Variants in ARHGAP32 observed in about 807,000 individuals in gnomAD.
The protein encoded by ARHGAP32 is rho GTPase-activating protein 32.
ARHGAP32 carries 51 observed loss-of-function variants against 186.5 expected under a neutral mutation model. The observed-to-expected ratio is 0.27, with a 90% CI of 0.22 to 0.35. The LOEUF (loss-of-function observed/expected upper bound fraction) is 0.35, where lower values mean the gene tolerates loss of function less well. Among genes scored for constraint, ARHGAP32 ranks in the 10% least tolerant of loss-of-function variants. The probability of loss-of-function intolerance (pLI) is 1.00; values close to 1 mark genes in which losing one functional copy is unlikely to be tolerated. For missense variants in ARHGAP32, 2,186 were observed against 2,623.5 expected, an observed-to-expected ratio of 0.83 and a Z score of 3.64; for synonymous variants, 950 against 964.3, an observed-to-expected ratio of 0.99 and a Z score of 0.27.
chr11:129,274,057 T>A (rs1429577330), intron 1 of ARHGAP32, among the ~76,000 whole-genome samples: 1 of 152,112 alleles, frequency 6.6e-6, no homozygotes, highest in Non-Finnish European at 1.5e-5. Context: ...AGCCAGAATT[T>A]TACTTCTATT....
chr11:128,978,739 C>A, intron 19 of ARHGAP32, 31 bp downstream of exon 19: 3 of 1,583,502 alleles, frequency 1.9e-6, no homozygotes, highest in South Asian at 2.3e-5. Context: ...ATCATGACAG[C>A]AGCAGAAGTG....
intron 11 of ARHGAP32, among the ~76,000 whole-genome samples, chr11:129,009,684 G>A (rs1195114061): frequency 6.6e-6 from 1 of 152,152 alleles, no homozygotes; most frequent in East Asian, 1.9e-4. Context: ...TTTTATGGCT[G>A]CATAGTATTC....
At chr11:129,187,110 A>G (rs1944178019) in intron 1 of ARHGAP32, among the ~76,000 whole-genome samples, 1 of 152,224 alleles carries the variant, frequency 6.6e-6, no homozygotes, top group African/African-American at 2.4e-5. Context: ...TCTGAAAGCA[A>G]CCTAAGTGTC....
chr11:129,115,012 T>C (rs1354306181), intron 5 of ARHGAP32, among the ~76,000 whole-genome samples: 1 of 152,102 alleles, frequency 6.6e-6, no homozygotes, highest in East Asian at 1.9e-4. Context: ...GGATTGCAAA[T>C]GGAACACGGA....
chr11:129,277,178 G>T (rs935475271), intron 1 of ARHGAP32, among the ~76,000 whole-genome samples: 1 of 152,114 alleles, frequency 6.6e-6, no homozygotes, highest in African/African-American at 2.4e-5. Context: ...GAAAACACTT[G>T]AATAAGTCAA....
At chr11:129,184,222 G>A (rs1212413528) in intron 1 of ARHGAP32, among the ~76,000 whole-genome samples, 3 of 152,080 alleles carry the variant, frequency 2.0e-5, no homozygotes, top group Admixed American at 1.3e-4. Context: ...GTGGGTGTGT[G>A]CACCTAAGAC....
chr11:129,260,330 A>G (rs1945305738), intron 1 of ARHGAP32, among the ~76,000 whole-genome samples: 1 of 152,190 alleles, frequency 6.6e-6, no homozygotes, highest in Non-Finnish European at 1.5e-5. Flanking sequence ...TACCTCTGAT[A>G]ACATTGTTTT....
At chr11:129,193,645 A>ATAATATATATAATATATGTTATG (rs1944335814), upstream of ARHGAP32, among the ~76,000 whole-genome samples, 1 of 80,038 alleles carries the variant, frequency 1.2e-5, no homozygotes, top group South Asian at 2.9e-4. Flanking sequence ...TATATGTTAT[A>ATAATATATATAATATATGTTATG]TAATACATAT....
chr11:129,029,825 A>AAAAAAC, intron 11 of ARHGAP32, among the ~76,000 whole-genome samples: 1 of 150,796 alleles, frequency 6.6e-6, no homozygotes, highest in African/African-American at 2.4e-5. Context: ...AAAAAAAAAA[A>AAAAAAC]ACGGGTAGGA....
At chr11:129,162,387 C>T (rs573779970) in intron 2 of ARHGAP32, among the ~76,000 whole-genome samples, 2 of 152,172 alleles carry the variant, frequency 1.3e-5, no homozygotes, top group East Asian at 1.9e-4. Context: ...AAAAACAAGG[C>T]AAATGATTTC....
intron 2 of ARHGAP32, among the ~76,000 whole-genome samples, chr11:129,161,193 T>C (rs1457597776): frequency 1.3e-5 from 2 of 151,666 alleles, no homozygotes; most frequent in East Asian, 3.9e-4. Flanking sequence ...CCTAAAACCA[T>C]AAAAACCCTA....
At chr11:129,149,094 C>T (rs12278056) in intron 2 of ARHGAP32, among the ~76,000 whole-genome samples, 2 of 152,280 alleles carry the variant, frequency 1.3e-5, no homozygotes, top group South Asian at 4.1e-4. Context: ...AAATCCTTAT[C>T]CTGGCCAATG....
chr11:129,078,038 G>A (rs981325398), intron 6 of ARHGAP32, among the ~76,000 whole-genome samples: 1 of 152,110 alleles, frequency 6.6e-6, no homozygotes, highest in Non-Finnish European at 1.5e-5. Flanking sequence ...ATGCTAAACA[G>A]AACAACCAAG....
At chr11:129,173,920 T>C (rs149334318) in intron 1 of ARHGAP32, among the ~76,000 whole-genome samples, 31 of 151,968 alleles carry the variant, frequency 2.0e-4, no homozygotes, top group African/African-American at 7.2e-4. Context: ...AATGTAAAAA[T>C]TGGAAAAGAA....
At chr11:129,112,313 G>C (rs771146952) in intron 5 of ARHGAP32, among the ~76,000 whole-genome samples, 5 of 151,642 alleles carry the variant, frequency 3.3e-5, no homozygotes, top group Non-Finnish European at 7.4e-5. Flanking sequence ...GCTTTTCTCT[G>C]CCTGTTTTCA....
upstream of ARHGAP32, among the ~76,000 whole-genome samples, chr11:129,194,261 C>G (rs970015403): frequency 6.6e-6 from 1 of 152,054 alleles, no homozygotes. Flanking sequence ...ATCTCACTTT[C>G]ACAAGTAGAA....
At chr11:129,207,798 G>A (rs187022704) in intron 1 of ARHGAP32, among the ~76,000 whole-genome samples, 8 of 151,980 alleles carry the variant, frequency 5.3e-5, no homozygotes, top group African/African-American at 1.9e-4. Flanking sequence ...TAAAATAATA[G>A]AAAGTACAAA....
intron 1 of ARHGAP32, among the ~76,000 whole-genome samples, chr11:129,184,455 T>C (rs927776530): frequency 1.3e-5 from 2 of 152,056 alleles, no homozygotes; most frequent in African/African-American, 4.8e-5. Flanking sequence ...TATCTATACG[T>C]GAAGAACCCT....
chr11:129,164,267 G>GAT (rs1943588893), intron 2 of ARHGAP32, 52 bp downstream of exon 2: 2 of 1,112,614 alleles, frequency 1.8e-6, no homozygotes, highest in Non-Finnish European at 2.6e-6. Flanking sequence ...TTATATAAGT[G>GAT]CTATATATAC....
Sources: allele counts gnomAD v4.1 joint callset (sites outside exome capture counted in the v4.1 genomes callset), GRCh38; gene constraint gnomAD v4.1.1; transcripts MANE v1.5; gene names NCBI Gene and HGNC (gene_info 2026-07-23, HGNC 2026-07-21).